Variants in CADPS observed in about 807,000 individuals in gnomAD.
CADPS encodes calcium dependent secretion activator.
A neutral mutation model predicts 167.3 loss-of-function variants in CADPS; 57 were observed. That is an observed-to-expected ratio of 0.34 (90% CI 0.28 to 0.42). CADPS has a LOEUF of 0.42. Among genes scored for constraint, CADPS ranks in the 20% least tolerant of loss-of-function variants. The probability of loss-of-function intolerance (pLI) is 1.00; values close to 1 mark genes in which losing one functional copy is unlikely to be tolerated. For synonymous variants in CADPS, 676 were observed against 635.3 expected, an observed-to-expected ratio of 1.06 and a Z score of -0.96; for missense variants, 1,414 against 1,738.1, an observed-to-expected ratio of 0.81 and a Z score of 3.32.
intron 18 of CADPS, among the ~76,000 whole-genome samples, chr3:62,496,359 C>T (rs1431007538): frequency 6.6e-6 from 1 of 152,112 alleles, no homozygotes; most frequent in East Asian, 1.9e-4. Context: ...AAGAGCTGTC[C>T]ACGTGATTGC....
Position 62,874,987 on chromosome 3 carries a change from C to T in CADPS, c.43G>A (p.Val15Met). ...ACCTCCTTGCCGCTCTCCTCCTCCA[C>T]GATCTCATCCGATTCTTCTTCGCTG... ...SSSEEESDEIVEEESGKEVLG... is the reference protein window; with the variant it reads ...SSSEEESDEIMEEESGKEVLG... Residue 15 changes from valine to methionine, a missense_variant, in exon 1 of 30, where the codon GTG becomes ATG. Physicochemically the swap from Val to Met is conservative, Grantham distance 21. Around this residue, in one of 6 missense-constraint regions of CADPS, gnomAD observed 522 missense variants for 559.5 expected, o/e 0.93. Coordinates refer to ENST00000383710, the MANE Select transcript of CADPS (RefSeq NM_003716.4). This position sits in a 1 kb window ranked among gnomAD's most constrained non-coding sequence, Gnocchi z 7.1. 5.0e-6 allele frequency: 8 copies of T among 1,596,250 alleles called. No individual in the cohort carries two copies. The highest frequency in any genetic ancestry group is 2.4e-5 in the East Asian group (1 of 42,156).
At chr3:62,711,726 T>A (rs918990625) in intron 3 of CADPS, among the ~76,000 whole-genome samples, 1 of 152,230 alleles carries the variant, frequency 6.6e-6, no homozygotes, top group Non-Finnish European at 1.5e-5. Flanking sequence ...TTGGTTATGA[T>A]CTGATCTTTT....
At chr3:62,819,903 T>G (rs2094819136) in intron 1 of CADPS, among the ~76,000 whole-genome samples, 1 of 152,196 alleles carries the variant, frequency 6.6e-6, no homozygotes, top group African/African-American at 2.4e-5. Flanking sequence ...CCTTTGCTGA[T>G]TTTAATCTGT....
intron 1 of CADPS, among the ~76,000 whole-genome samples, chr3:62,846,180 G>T (rs976042974): frequency 1.3e-5 from 2 of 151,862 alleles, no homozygotes; most frequent in African/African-American, 4.8e-5. Context: ...TGTACAACCC[G>T]TGGAACTGTG....
intron 11 of CADPS, among the ~76,000 whole-genome samples, chr3:62,539,162 G>A (rs190231749): frequency 2.0e-5 from 3 of 152,066 alleles, no homozygotes; most frequent in African/African-American, 7.2e-5. Flanking sequence ...TAGATTTTAG[G>A]TTGAGCTCTG....
chr3:62,753,546 G>A lies in CADPS; in HGVS notation c.783C>T (p.Ser261=), dbSNP rs200446361. 21 of 1,614,082 alleles carry A rather than the reference G, an allele frequency of 1.3e-5. No homozygotes were observed. The highest frequency in any genetic ancestry group is 1.1e-4 in the African/African-American group (8 of 75,020). ...PRKQQARMTA[S]AASELILSKE... The stretch of plus-strand genomic sequence containing the variant: ...TGCTCAGAATCAGCTCGGAGGCTGC[G>A]CTGGCTGTCATCCGGGCCTGCTGCT... The change falls in exon 3 of 30, where the codon AGC becomes AGT. Residue 261 remains serine (S), a synonymous_variant. Coordinates refer to ENST00000383710, the MANE Select transcript of CADPS (RefSeq NM_003716.4). This position sits in a 1 kb window ranked among gnomAD's most constrained non-coding sequence, Gnocchi z 4.6.
At position 62,478,855 on chromosome 3, in the gene CADPS, C is replaced by A. The variant is rs1477808391; in HGVS notation, c.3174-439G>T. On this transcript the variant is annotated intron_variant, in intron 22 of 29. Coordinates refer to ENST00000383710, the MANE Select transcript of CADPS (RefSeq NM_003716.4). The surrounding 1 kb of genome is among the most constrained non-coding windows in gnomAD (Gnocchi z 5.7). ...CCCCAGCTCCCCTCCAGAGTGGAGA[C>A]CTCTTGGAGATTGCACAAGACTTTT... is the stretch of plus-strand genomic sequence containing the variant. Among the ~76,000 whole-genome samples the A allele has an allele frequency of 1.3e-5, 2 of 152,168 alleles. No homozygotes were observed. The highest frequency in any genetic ancestry group is 4.8e-5 in the African/African-American group (2 of 41,448).
intron 1 of CADPS, among the ~76,000 whole-genome samples, chr3:62,830,711 C>T (rs1183310016): frequency 6.6e-6 from 1 of 152,168 alleles, no homozygotes; most frequent in Non-Finnish European, 1.5e-5. Context: ...GATGTTAAAA[C>T]TGTCACACTG....
chr3:62,460,662 G>T (rs949080387), intron 26 of CADPS, among the ~76,000 whole-genome samples: 1 of 152,216 alleles, frequency 6.6e-6, no homozygotes, highest in South Asian at 2.1e-4. Context: ...GGCATCAAGA[G>T]CTCTGCACAA....
intron 6 of CADPS, among the ~76,000 whole-genome samples, chr3:62,622,732 G>C (rs938144817): frequency 4.6e-5 from 7 of 151,716 alleles, no homozygotes; most frequent in African/African-American, 1.7e-4. Context: ...TGAAACCCAG[G>C]AGGAAAAAAA....
chr3:62,518,863 C>G (rs1225448868), intron 13 of CADPS, among the ~76,000 whole-genome samples: 2 of 152,046 alleles, frequency 1.3e-5, no homozygotes, highest in Non-Finnish European at 2.9e-5. Flanking sequence ...CTATAACTAC[C>G]GATGTTCAGA....
intron 3 of CADPS, among the ~76,000 whole-genome samples, chr3:62,734,487 A>C (rs1355828542): frequency 6.6e-6 from 1 of 152,134 alleles, no homozygotes; most frequent in Non-Finnish European, 1.5e-5. Flanking sequence ...TGAAGTAGCC[A>C]CTATTCTGAT....
At chr3:62,640,237 G>C (rs2067154417) in intron 6 of CADPS, among the ~76,000 whole-genome samples, 1 of 152,076 alleles carries the variant, frequency 6.6e-6, no homozygotes, top group Non-Finnish European at 1.5e-5. Flanking sequence ...ACCATTCCAA[G>C]GCCCAGTACA....
chr3:62,774,801 C>T (rs886297315), intron 1 of CADPS, among the ~76,000 whole-genome samples: 1 of 152,098 alleles, frequency 6.6e-6, no homozygotes, highest in African/African-American at 2.4e-5. Context: ...ATCTGGCCTC[C>T]TACAGATAGG....
At chr3:62,684,860 G>A (rs1236068834) in intron 3 of CADPS, among the ~76,000 whole-genome samples, 3 of 152,002 alleles carry the variant, frequency 2.0e-5, no homozygotes, top group Admixed American at 1.3e-4. Context: ...TTACTAGACA[G>A]TTTCTGGGAA....
At chr3:62,611,797 G>A (rs2061535732) in intron 6 of CADPS, among the ~76,000 whole-genome samples, 1 of 152,212 alleles carries the variant, frequency 6.6e-6, no homozygotes, top group Admixed American at 6.5e-5. Context: ...TGTTCCAGGA[G>A]TGCTGGGGAT....
chr3:62,782,545 T>A (rs1194866136), intron 1 of CADPS, among the ~76,000 whole-genome samples: 2 of 152,164 alleles, frequency 1.3e-5, no homozygotes, highest in Non-Finnish European at 2.9e-5. Flanking sequence ...CATTTTTTCA[T>A]GAAGACACCA....
In CADPS at chr3:62,850,160, TTCTC is replaced by T. The variant is rs1202562120; in HGVS notation, c.441+24425_441+24428del. ...ATTTTTTATCGTGTCTATTTGATTC[TTCTC>T]TCTTTTTTTATTAGTCTTGCTAGCG... On this transcript the variant is annotated intron_variant, in intron 1 of 29. Coordinates refer to ENST00000383710, the MANE Select transcript of CADPS (RefSeq NM_003716.4). Among the ~76,000 whole-genome samples, 13 of 135,874 alleles carry T rather than the reference TTCTC, an allele frequency of 9.6e-5. 1 individual carries two copies. Among genetic ancestry groups the T allele is most frequent in the East Asian group, 6.0e-4 (3 of 5,026 alleles). The allele number at this position is 135,874 out of a possible 152,430, so 89.1% of individuals were successfully genotyped here. A position where few individuals can be genotyped will look rare whatever the true frequency, so the allele number is the denominator to read the frequency against.
At chr3:62,701,024 C>T (rs4511894) in intron 3 of CADPS, among the ~76,000 whole-genome samples, 70,689 of 151,800 alleles carry the variant, frequency 0.47, 17,663 homozygotes, top group East Asian at 0.86. Flanking sequence ...GAGCTCTCTG[C>T]TCTCTGGGGT....
Sources: allele counts gnomAD v4.1 joint callset (sites outside exome capture counted in the v4.1 genomes callset), GRCh38; gene constraint gnomAD v4.1.1; regional missense constraint gnomAD v4.1.1; non-coding constraint Gnocchi (gnomAD v3.1); transcripts MANE v1.5; gene names NCBI Gene and HGNC (gene_info 2026-07-23, HGNC 2026-07-21).